Variants in MEGF6 observed in about 807,000 individuals in gnomAD.
The protein encoded by MEGF6 is multiple EGF like domains 6, also known as multiple epidermal growth factor-like domains protein 6.
In MEGF6, 184 loss-of-function variants were observed where a neutral mutation model predicts 207.1. The ratio of observed to expected loss-of-function variants is 0.89; its 90% CI spans 0.79 to 1.00. The LOEUF (loss-of-function observed/expected upper bound fraction) is 1.00, where lower values mean the gene tolerates loss of function less well. Ranked by LOEUF, MEGF6 falls within the 50% of genes least tolerant of loss-of-function variation. MEGF6 has a pLI of 0.00. For missense variants in MEGF6, 2,282 were observed against 2,202.9 expected (o/e 1.04, Z -0.72); for synonymous variants, 1,038 against 910.0 (o/e 1.14, Z -2.53).
At chr1:3,493,945 AGAC>A in intron 33 of MEGF6, 46 bp from the exon 34 acceptor site, 1 of 1,581,874 alleles carries the variant, frequency 6.3e-7, no homozygotes, top group Non-Finnish European at 8.6e-7. Flanking sequence ...TCCTGCACCC[AGAC>A]GGGACGGGGC....
intron 5 of MEGF6, among the ~76,000 whole-genome samples, chr1:3,516,258 G>A (rs147890637): frequency 0.012 from 1,805 of 152,346 alleles, 44 homozygotes; most frequent in African/African-American, 0.042. Flanking sequence ...GGGACAGGGC[G>A]CTGGGCCAGG....
chr1:3,501,744 T>G, intron 18 of MEGF6, 52 bp downstream of exon 18: 1 of 1,590,994 alleles, frequency 6.3e-7, no homozygotes, highest in Admixed American at 1.8e-5. Context: ...CCCCACCAGC[T>G]TGGAGCCGTG....
chr1:3,601,007 C>T (rs771872871), intron 2 of MEGF6, among the ~76,000 whole-genome samples: 5 of 152,110 alleles, frequency 3.3e-5, no homozygotes, highest in South Asian at 2.1e-4. Flanking sequence ...TGGGTAATGC[C>T]GGGAGGGGAT....
At chr1:3,493,317 C>CCTATCCTCAGGTGAGCCCCTG (rs1640454925) in intron 34 of MEGF6, 1 of 228,898 alleles carries the variant, frequency 4.4e-6, no homozygotes. Context: ...GTGGGTCCCT[C>CCTATCCTCAGGTGAGCCCCTG]CTATCCTCAG....
Position 3,509,095 on chromosome 1 carries a change from T to A in MEGF6, c.1508A>T (p.His503Leu), listed in dbSNP as rs1420099927. 6.3e-7 allele frequency: 1 copy of A among 1,597,666 alleles called. No homozygotes were observed. The highest frequency in any genetic ancestry group is 1.7e-5 in the Admixed American group (1 of 57,968). The change falls in exon 12 of 37, where the codon CAC becomes CTC. Residue 503 changes from histidine to leucine, a missense_variant. His to Leu is a moderately conservative substitution (Grantham distance 99, BLOSUM62 -3). Transcript: ENST00000356575. Reference sequence around the variant, plus strand: ...CTCACCAAACTTCTCTGTGAGCGTGTGTTCGCCCCGCAACTCTGCCTCTTC... The same window carrying A: ...CTCACCAAACTTCTCTGTGAGCGTGAGTTCGCCCCGCAACTCTGCCTCTTC... The part of the protein sequence containing the change: ...DEEEAELRGE[H>L]TLTEKFVCLD...
At chr1:3,608,978 G>A (rs562063050) in intron 1 of MEGF6, among the ~76,000 whole-genome samples, 1 of 152,344 alleles carries the variant, frequency 6.6e-6, no homozygotes, top group South Asian at 2.1e-4. Context: ...GTCTCCTAGA[G>A]GCCCCGGCTT....
At chr1:3,531,293 C>A (rs1642158661) in intron 4 of MEGF6, 2 of 1,257,406 alleles carry the variant, frequency 1.6e-6, no homozygotes, top group Non-Finnish European at 1.0e-6. Flanking sequence ...AACCGCGCTG[C>A]GCCCTAAGCC....
At chr1:3,593,828 C>T (rs1570221503) in intron 3 of MEGF6, among the ~76,000 whole-genome samples, 1 of 151,652 alleles carries the variant, frequency 6.6e-6, no homozygotes, top group African/African-American at 2.4e-5. Flanking sequence ...GGCTGGCCAG[C>T]ACCCCCCTCC....
At chr1:3,567,003 C>T (rs1016504664) in intron 4 of MEGF6, among the ~76,000 whole-genome samples, 5 of 152,218 alleles carry the variant, frequency 3.3e-5, no homozygotes, top group African/African-American at 9.6e-5. Context: ...ATAGTGAGGC[C>T]GTCCTGGCCA....
intron 2 of MEGF6, among the ~76,000 whole-genome samples, chr1:3,596,506 CCG>C: frequency 7.3e-6 from 1 of 137,234 alleles, no homozygotes. Context: ...TGCCCAGCCC[CCG>C]TCTCCACCCC....
chr1:3,494,883 C>G, intron 30 of MEGF6, 142 bp from the exon 31 acceptor site: 2 of 1,286,720 alleles, frequency 1.6e-6, no homozygotes, highest in South Asian at 1.6e-5. Context: ...TGGGCGGGCA[C>G]ATGCCAGGGA....
intron 4 of MEGF6, among the ~76,000 whole-genome samples, chr1:3,551,369 TGG>T (rs1642878614): frequency 6.6e-6 from 1 of 152,076 alleles, no homozygotes. Flanking sequence ...GGGTGGGATG[TGG>T]GGAGCCTCCA....
chr1:3,622,785 T>G, the MEGF6 span, among the ~76,000 whole-genome samples: 1 of 152,270 alleles, frequency 6.6e-6, no homozygotes, highest in Non-Finnish European at 1.5e-5. Flanking sequence ...ACGTTTCTGT[T>G]GTTTTTAAAA....
At chr1:3,492,903 G>T in intron 34 of MEGF6, 136 bp from the exon 35 acceptor site, 8 of 1,264,706 alleles carry the variant, frequency 6.3e-6, no homozygotes, top group Non-Finnish European at 7.5e-6. Context: ...CGGGAGCTAA[G>T]ACCTTGGGCC....
At chr1:3,537,497 G>A (rs1239556312) in intron 4 of MEGF6, among the ~76,000 whole-genome samples, 1 of 152,260 alleles carries the variant, frequency 6.6e-6, no homozygotes, top group Admixed American at 6.5e-5. Context: ...TGTGCTCTGT[G>A]TGCCAGGCCA....
chr1:3,590,398 C>T (rs201793347), intron 3 of MEGF6, among the ~76,000 whole-genome samples: 2 of 10,288 alleles, frequency 1.9e-4, no homozygotes, highest in Non-Finnish European at 1.7e-3. Context: ...GGAAGGACAC[C>T]CCCCCAGCAA....
upstream of MEGF6, among the ~76,000 whole-genome samples, chr1:3,612,725 C>G (rs960628931): frequency 7.0e-6 from 1 of 143,812 alleles, no homozygotes; most frequent in African/African-American, 2.6e-5. Context: ...TAATAGGGAG[C>G]ACTGGAGGGA....
At chr1:3,521,634 C>T (rs548723433) in intron 5 of MEGF6, among the ~76,000 whole-genome samples, 5 of 152,310 alleles carry the variant, frequency 3.3e-5, no homozygotes, top group Non-Finnish European at 4.4e-5. Flanking sequence ...ACTCCGTCCC[C>T]GGTCTACAAG....
At chr1:3,586,766 A>G (rs1643899481) in intron 3 of MEGF6, among the ~76,000 whole-genome samples, 1 of 152,188 alleles carries the variant, frequency 6.6e-6, no homozygotes, top group African/African-American at 2.4e-5. Context: ...CAGCAGGCCC[A>G]GCCAACCAGG....
Sources: gnomAD v4.1 joint callset for allele counts (sites outside exome capture counted in the v4.1 genomes callset) on GRCh38, gnomAD v4.1.1 for gene constraint, MANE v1.5 for transcripts, NCBI Gene and HGNC (gene_info 2026-07-23, HGNC 2026-07-21) for gene names.